TIE1: variants seen among roughly 807,000 people sequenced by gnomAD.
TIE1 encodes the protein tyrosine-protein kinase receptor Tie-1.
TIE1 carries 89 observed loss-of-function variants against 130.5 expected under a neutral mutation model. The observed-to-expected ratio is 0.68, with a 90% CI of 0.57 to 0.81. The LOEUF (loss-of-function observed/expected upper bound fraction) is 0.81, where lower values mean the gene tolerates loss of function less well. TIE1 is among the 40% of genes least tolerant of loss of function. The pLI is 0.00. For missense variants in TIE1, 1,392 were observed against 1,559.8 expected, an observed-to-expected ratio of 0.89 and a Z score of 1.81; for synonymous variants, 568 against 629.4, an observed-to-expected ratio of 0.90 and a Z score of 1.46.
chr1:43,303,808 A>G (rs916684119), intron 1 of TIE1, among the ~76,000 whole-genome samples: 11 of 151,274 alleles, frequency 7.3e-5, no homozygotes, highest in Non-Finnish European at 1.3e-4. Flanking sequence ...CTCCCTCCCC[A>G]TTGTCCTCAC....
In TIE1 at chr1:43,312,489, C is replaced by G. The variant is rs778900712; in HGVS notation, c.1815C>G (p.Ala605=). 1.2e-6 allele frequency: 2 copies of G among 1,612,918 alleles called. No individual in the cohort carries two copies. Among genetic ancestry groups the G allele is most frequent in the Non-Finnish European group, 1.7e-6 (2 of 1,179,880 alleles). The change falls in exon 12 of 23, where the codon GCC becomes GCG. Residue 605 remains alanine (A), a synonymous_variant. Coordinates refer to ENST00000372476, the MANE Select transcript of TIE1 (RefSeq NM_005424.5). This position sits in a 1 kb window ranked among gnomAD's most constrained non-coding sequence, Gnocchi z 5.6. ...TCTCATCCCCCCAGGCCCGCACTGC[C>G]CTCCTGACGGGACTCACGCCTGGCA... ...ENVSSPQART[A]LLTGLTPGTH... is the part of the protein sequence containing the mutation.
rs187723742 is a variant in TIE1, at chr1:43,306,732, C to T, written c.485-108C>T. 2.6e-3 allele frequency: 3,642 copies of T among 1,403,122 alleles called. 8 individuals carry two copies. Among genetic ancestry groups the T allele is most frequent in the Middle Eastern group, 4.0e-3 (18 of 4,546 alleles). The allele number at this position is 1,403,122 out of a possible 1,614,324, so 86.9% of individuals were successfully genotyped here. On this transcript the variant is annotated intron_variant, in intron 3 of 22. Coordinates refer to ENST00000372476, the MANE Select transcript of TIE1 (RefSeq NM_005424.5). This position sits in a 1 kb window ranked among gnomAD's most constrained non-coding sequence, Gnocchi z 4.9. ...CTCTCGTGGTGCCGGCCCTAGGTCTCATCACTGTGCATGGGGCTCATTGAT... is the reference window on the plus strand; with the variant it reads ...CTCTCGTGGTGCCGGCCCTAGGTCTTATCACTGTGCATGGGGCTCATTGAT...
Position 43,312,342 on chromosome 1 carries a change from G to A in TIE1, c.1668G>A (p.Val556=), listed in dbSNP as rs372215013. ...LLQPWLEGWH[V]EGTDRLRVSW... ...AGCCGTGGTTGGAGGGCTGGCATGT[G>A]GAAGGCACTGACCGGCTGCGAGTGA... Residue 556 remains valine, a synonymous_variant, in exon 12 of 23, where the codon GTG becomes GTA. Coordinates refer to ENST00000372476, the MANE Select transcript of TIE1 (RefSeq NM_005424.5). The surrounding 1 kb of genome is among the most constrained non-coding windows in gnomAD (Gnocchi z 5.6). 1 of 1,566,318 alleles carries A rather than the reference G, an allele frequency of 6.4e-7. No homozygotes were observed. The highest frequency in any genetic ancestry group is 1.3e-5 in the African/African-American group (1 of 74,442).
Position 43,307,560 on chromosome 1 carries a change from C to T in TIE1, c.901C>T (p.Gln301Ter). 1 of 1,614,114 alleles carries T rather than the reference C, an allele frequency of 6.2e-7. No homozygotes were observed. Among genetic ancestry groups the T allele is most frequent in the Non-Finnish European group, 8.5e-7 (1 of 1,180,018 alleles). Residue 301 changes from glutamine to a stop codon, truncating the protein, a stop_gained, in exon 6 of 23, where the codon CAG becomes TAG. Transcript: ENST00000372476. LOFTEE classifies it high-confidence loss of function. The surrounding 1 kb of genome is among the most constrained non-coding windows in gnomAD (Gnocchi z 5.4). ...TTGTGGATCTGGCTGGAGAGGAAGC[C>T]AGTGCCAAGAAGGTATGCCTAACCT... is the stretch of plus-strand genomic sequence containing the variant. Reference protein sequence around the residue: ...CSCGSGWRGSQCQEACAPGHF... With the variant: ...CSCGSGWRGS
chr1:43,309,205 G>C lies in TIE1; in HGVS notation c.1188+74G>C. The C allele has an allele frequency of 6.5e-7, 1 of 1,530,404 alleles. No individual in the cohort carries two copies. Among genetic ancestry groups the C allele is most frequent in the Admixed American group, 2.1e-5 (1 of 48,740 alleles). The allele number at this position is 1,530,404 out of a possible 1,614,324, so 94.8% of individuals were successfully genotyped here. ...CACAGCTGATCCCTAAGACCCCCTA[G>C]TCCCTCAGAACTTTCTGCAGGGCCC... On this transcript the variant is annotated intron_variant, in intron 8 of 22. Transcript: ENST00000372476. The surrounding 1 kb of genome is among the most constrained non-coding windows in gnomAD (Gnocchi z 6.3).
rs1646935427 is a variant in TIE1, at chr1:43,323,088, T to A, written c.*366T>A. 1 of 203,466 alleles carries A rather than the reference T, an allele frequency of 4.9e-6. No individual in the cohort carries two copies. Among genetic ancestry groups the A allele is most frequent in the South Asian group, 1.1e-4 (1 of 8,818 alleles). 12.6% of individuals were successfully genotyped at this position (203,466 alleles called of 1,614,324 possible). A position where few individuals can be genotyped will look rare whatever the true frequency, so the allele number is the denominator to read the frequency against. On this transcript the variant is annotated 3_prime_UTR_variant, in exon 23 of 23. Transcript: ENST00000372476. The stretch of plus-strand genomic sequence containing the variant: ...TCCCGGCCTGTCATTCAGAAAAAAA[T>A]AAATGTTCTAATAAGCTCCATTCAA...
chr1:43,321,044 A>C (rs71654284), intron 19 of TIE1, among the ~76,000 whole-genome samples: 34,944 of 147,350 alleles, frequency 0.24, 4,646 homozygotes, highest in East Asian at 0.42. Flanking sequence ...AAAAAAAAAA[A>C]AAAAAAAAAA....
chr1:43,320,583 T>C (rs1011605047), intron 19 of TIE1: 14 of 152,238 alleles, frequency 9.2e-5, no homozygotes, highest in Admixed American at 5.2e-4. Flanking sequence ...CCGGGCGTGG[T>C]GGCTCACGCC....
In TIE1 at chr1:43,311,976, T is replaced by C. The variant is rs1250897333; in HGVS notation, c.1493-18T>C. The stretch of plus-strand genomic sequence containing the variant: ...GAGGTGGGGGCTGAATAATGTGTGC[T>C]TTACACCCCACGCCCAGTGGACCCC... On this transcript the variant is annotated intron_variant, in intron 10 of 22. Coordinates refer to ENST00000372476, the MANE Select transcript of TIE1 (RefSeq NM_005424.5). The C allele has an allele frequency of 6.4e-7, 1 of 1,572,432 alleles. No homozygotes were observed. The highest frequency in any genetic ancestry group is 1.2e-5 in the South Asian group (1 of 84,294).
At chr1:43,302,073 A>AGGATCTGT (rs1428654265) in intron 1 of TIE1, among the ~76,000 whole-genome samples, 7 of 152,208 alleles carry the variant, frequency 4.6e-5, no homozygotes, top group Admixed American at 4.6e-4. Context: ...GTTGGATCTG[A>AGGATCTGT]GGATCTGTGG....
chr1:43,303,924 C>A (rs1184447924), intron 1 of TIE1, among the ~76,000 whole-genome samples: 1 of 152,174 alleles, frequency 6.6e-6, no homozygotes. Flanking sequence ...AAAAGCACAG[C>A]GCCCTACATT....
At position 43,316,486 on chromosome 1, in the gene TIE1, A is replaced by G. The variant is rs751941741; in HGVS notation, c.2410-713A>G. Among the ~76,000 whole-genome samples, 2 of 152,120 alleles carry G rather than the reference A, an allele frequency of 1.3e-5. No individual in the cohort carries two copies. Among genetic ancestry groups the G allele is most frequent in the Non-Finnish European group, 2.9e-5 (2 of 68,028 alleles). On this transcript the variant is annotated intron_variant, in intron 14 of 22. Transcript: ENST00000372476. This position sits in a 1 kb window ranked among gnomAD's most constrained non-coding sequence, Gnocchi z 4.4. ...TGTTCACTTATTTCCTTTTCCCACC[A>G]TCAGCCCCACCCAGATGGCCTCCTC...
Position 43,305,014 on chromosome 1 carries a change from C to T in TIE1, c.222C>T (p.Pro74=), listed in dbSNP as rs766486505. The T allele has an allele frequency of 2.4e-5, 38 of 1,555,726 alleles. No homozygotes were observed. The highest frequency in any genetic ancestry group is 3.1e-5 in the Non-Finnish European group (36 of 1,149,512). ...EKDDRIVRTP[P]GPPLRLARNG... is the part of the protein sequence containing the mutation. ...ACGACCGTATCGTGCGCACCCCGCC[C>T]GGGCCACCCCTGCGCCTGGCGCGCA... Residue 74 remains proline (P), a synonymous_variant, in exon 2 of 23, where the codon CCC becomes CCT. Transcript: ENST00000372476.
Position 43,319,266 on chromosome 1 carries a change from T to C in TIE1, c.2954T>C (p.Val985Ala), listed in dbSNP as rs747675690. 8 of 1,614,050 alleles carry C rather than the reference T, an allele frequency of 5.0e-6. No homozygotes were observed. The highest frequency in any genetic ancestry group is 6.8e-6 in the Non-Finnish European group (8 of 1,179,992). The change falls in exon 18 of 23, where the codon GTG becomes GCG. Residue 985 changes from valine to alanine, a missense_variant. Physicochemically the swap from Val to Ala is moderately conservative, Grantham distance 64. Around this residue, in one of 6 missense-constraint regions of TIE1, gnomAD observed 286 missense variants for 354.4 expected, o/e 0.81. Coordinates refer to ENST00000372476, the MANE Select transcript of TIE1 (RefSeq NM_005424.5). The surrounding 1 kb of genome is among the most constrained non-coding windows in gnomAD (Gnocchi z 4.7). ...FIHRDLAARNVLVGENLASKI... is the reference protein window; with the variant it reads ...FIHRDLAARNALVGENLASKI... Reference sequence around the variant, plus strand: ...CACAGGGACCTGGCTGCCCGGAATGTGCTGGTCGGAGAGAACCTAGCCTCC... The same window carrying C: ...CACAGGGACCTGGCTGCCCGGAATGCGCTGGTCGGAGAGAACCTAGCCTCC...
At position 43,308,987 on chromosome 1, in the gene TIE1, C is replaced by A; in HGVS notation, c.1044C>A (p.Asp348Glu). ...AGGATGAGTGTCCTTTCTCCCCAGACCGGATCCCCCAGATCCTCAACATGG... is the reference window on the plus strand; with the variant it reads ...AGGATGAGTGTCCTTTCTCCCCAGAACGGATCCCCCAGATCCTCAACATGG... ...GWHGVHCEKS[D>E]RIPQILNMAS... is the part of the protein sequence containing the mutation. Residue 348 changes from aspartate (D) to glutamate (E), a missense_variant and splice_region_variant, in exon 8 of 23, where the codon GAC becomes GAA. Physicochemically the swap from Asp to Glu is conservative, Grantham distance 45. Transcript: ENST00000372476. 2 of 1,614,038 alleles carry A rather than the reference C, an allele frequency of 1.2e-6. No homozygotes were observed. Among genetic ancestry groups the A allele is most frequent in the South Asian group, 2.2e-5 (2 of 91,074 alleles).
chr1:43,317,248 G>A lies in TIE1; in HGVS notation c.2459G>A (p.Arg820Gln), dbSNP rs549889183. The A allele has an allele frequency of 4.5e-5, 73 of 1,613,974 alleles. No homozygotes were observed. Among genetic ancestry groups the A allele is most frequent in the Middle Eastern group, 1.6e-4 (1 of 6,084 alleles). Residue 820 changes from arginine (R) to glutamine (Q), a missense_variant, in exon 15 of 23, where the codon CGG (arginine) becomes CAG (glutamine). Arg to Gln is a conservative substitution (Grantham distance 43). This residue lies in a region of TIE1 where 286 missense variants were observed against 354.4 expected (regional missense o/e 0.81). Transcript: ENST00000372476. This position sits in a 1 kb window ranked among gnomAD's most constrained non-coding sequence, Gnocchi z 5.1. The stretch of plus-strand genomic sequence containing the variant: ...AGCTCAGGGACCTTGACACTTACCC[G>A]GCGGCCAAAACTGCAGCCCGAGCCC... Reference protein sequence around the residue: ...QFSSGTLTLTRRPKLQPEPLS... With the variant: ...QFSSGTLTLTQRPKLQPEPLS...
rs373979952 is a variant in TIE1, at chr1:43,318,406, G to T, written c.2922+334G>T. Among the ~76,000 whole-genome samples the T allele has an allele frequency of 1.5e-4, 23 of 152,326 alleles. No homozygotes were observed. The East Asian group carries it at 2.1e-3, about 14-fold the overall frequency. ...TGGGCCTGGTGCGATCTGCCGGAGA[G>T]GGGGAAGGGCAGAGATCCAAGCCCA... is the stretch of plus-strand genomic sequence containing the variant. On this transcript the variant is annotated intron_variant, in intron 17 of 22. Transcript: ENST00000372476. The surrounding 1 kb of genome is among the most constrained non-coding windows in gnomAD (Gnocchi z 4.4).
rs1326070977 is a variant in TIE1 at position 43,313,793 on chromosome 1, G to A, written c.2234G>A (p.Gly745Asp). 1 of 1,612,662 alleles carries A rather than the reference G, an allele frequency of 6.2e-7. No homozygotes were observed. Among genetic ancestry groups the A allele is most frequent in the South Asian group, 1.1e-5 (1 of 90,896 alleles). ...STLGNGLQAE[G>D]PVQESRAAEE... ...CTGTGTCCAGGGCTGCAGGCTGAGG[G>A]CCCAGTCCAAGAGAGCCGGGCAGCT... The change falls in exon 14 of 23, where the codon GGC becomes GAC. Residue 745 changes from glycine to aspartate, a missense_variant. Physicochemically the swap from Gly to Asp is moderately conservative, Grantham distance 94 (BLOSUM62 -1). Transcript: ENST00000372476. This position sits in a 1 kb window ranked among gnomAD's most constrained non-coding sequence, Gnocchi z 6.2.
At chr1:43,308,070 G>A in intron 7 of TIE1, 146 bp downstream of exon 7, 1 of 1,261,442 alleles carries the variant, frequency 7.9e-7, no homozygotes, top group Non-Finnish European at 1.1e-6. Context: ...TGGACAGGGA[G>A]CTCTGGCAGG....
Sources: gnomAD v4.1 joint callset for allele counts (sites outside exome capture counted in the v4.1 genomes callset) on GRCh38, gnomAD v4.1.1 for gene constraint, gnomAD v4.1.1 regional missense constraint, Gnocchi (gnomAD v3.1) non-coding constraint, MANE v1.5 for transcripts, NCBI Gene and HGNC (gene_info 2026-07-23, HGNC 2026-07-21) for gene names.